Variants in PIAS2 observed in about 807,000 individuals in gnomAD.
PIAS2 encodes the protein protein inhibitor of activated STAT 2, also known as E3 SUMO-protein ligase PIAS2.
PIAS2 carries 19 observed loss-of-function variants against 69.7 expected under a neutral mutation model. The ratio of observed to expected loss-of-function variants is 0.27; its 90% CI spans 0.19 to 0.40. The LOEUF is 0.40. PIAS2 is among the 10% of genes least tolerant of loss of function. The pLI, the probability that PIAS2 is intolerant of heterozygous loss-of-function variation, is 1.00. For synonymous variants in PIAS2, 261 were observed against 263.2 expected (o/e 0.99, Z 0.08); for missense variants, 624 against 757.0 (o/e 0.82, Z 2.06).
chr18:46,908,876 G>T (rs577701947), intron 1 of PIAS2, among the ~76,000 whole-genome samples: 1 of 152,260 alleles, frequency 6.6e-6, no homozygotes, highest in African/African-American at 2.4e-5. Context: ...AGGCATGGTG[G>T]CGGGTACCTG....
chr18:46,882,663 T>C (rs2052467674), intron 2 of PIAS2, among the ~76,000 whole-genome samples: 1 of 152,024 alleles, frequency 6.6e-6, no homozygotes, highest in Admixed American at 6.6e-5. Context: ...GAATAAACAG[T>C]GAAAGCCCAT....
intron 1 of PIAS2, among the ~76,000 whole-genome samples, chr18:46,895,059 G>A (rs2054632988): frequency 6.7e-6 from 1 of 149,618 alleles, no homozygotes; most frequent in Non-Finnish European, 1.5e-5. Context: ...GGCAACGAGA[G>A]GGAAACTCCA....
intron 8 of PIAS2, among the ~76,000 whole-genome samples, chr18:46,840,496 T>C (rs376363807): frequency 6.6e-6 from 1 of 152,338 alleles, no homozygotes; most frequent in East Asian, 1.9e-4. Context: ...AACTGCTGTT[T>C]AGGGATTGTT....
At chr18:46,869,584 C>T (rs917760406) in intron 2 of PIAS2, among the ~76,000 whole-genome samples, 5 of 152,146 alleles carry the variant, frequency 3.3e-5, no homozygotes, top group East Asian at 1.9e-4. Flanking sequence ...AAACACCCCA[C>T]GTAAGACAGG....
intron 5 of PIAS2, among the ~76,000 whole-genome samples, chr18:46,848,790 A>T (rs1340859215): frequency 1.6e-4 from 23 of 142,636 alleles, no homozygotes; most frequent in East Asian, 4.2e-4. Context: ...TGTGTGTGTG[A>T]GAGAGAGAGA....
intron 12 of PIAS2, chr18:46,817,391 A>C: frequency 1.0e-6 from 1 of 964,524 alleles, no homozygotes; most frequent in Non-Finnish European, 1.2e-6. Flanking sequence ...AAATTATATC[A>C]AGCCTATTTA....
At chr18:46,861,004 G>T (rs924373877) in intron 3 of PIAS2, among the ~76,000 whole-genome samples, 1 of 151,570 alleles carries the variant, frequency 6.6e-6, no homozygotes, top group Non-Finnish European at 1.5e-5. Flanking sequence ...AAAAGGCCGG[G>T]TGTGGTGGCT....
Position 46,812,301 on chromosome 18 carries a change from G to T in PIAS2, c.*132C>A. 6.8e-6 allele frequency: 4 copies of T among 586,680 alleles called. No individual in the cohort carries two copies. The highest frequency in any genetic ancestry group is 1.2e-5 in the Non-Finnish European group (4 of 339,642). 36.3% of individuals were successfully genotyped at this position (586,680 alleles called of 1,614,324 possible). On this transcript the variant is annotated 3_prime_UTR_variant, in exon 14 of 14. Coordinates refer to ENST00000585916, the MANE Select transcript of PIAS2 (RefSeq NM_004671.5). ...GTCTTCTGTGTTCACCCCTCAGAAA[G>T]CAAAAGAATCCATCTGACTTTCAAT... is the stretch of plus-strand genomic sequence containing the variant.
At chr18:46,838,006 G>C (rs925804970) in intron 8 of PIAS2, among the ~76,000 whole-genome samples, 1 of 152,178 alleles carries the variant, frequency 6.6e-6, no homozygotes, top group Non-Finnish European at 1.5e-5. Flanking sequence ...AACAGGAAAC[G>C]AAGAAGACGG....
chr18:46,807,933 A>C lies in PIAS2; in HGVS notation c.*4500T>G, dbSNP rs182481844. The C allele has an allele frequency of 5.5e-3, 833 of 152,334 alleles. 8 individuals are homozygous for C. The highest frequency in any genetic ancestry group is 0.019 in the African/African-American group (791 of 41,578). The allele number at this position is 152,334 out of a possible 1,614,324, so 9.4% of individuals were successfully genotyped here. On this transcript the variant is annotated 3_prime_UTR_variant, in exon 14 of 14. Transcript: ENST00000585916. ...AAAAGTGGTATGAATCAAGAACTAC[A>C]AAAGTGTTCATATACCCTTGACTAG...
intron 9 of PIAS2, among the ~76,000 whole-genome samples, chr18:46,834,592 G>A (rs1178822129): frequency 6.6e-6 from 1 of 152,124 alleles, no homozygotes; most frequent in African/African-American, 2.4e-5. Context: ...GAAATTAGTA[G>A]ACATTTTTAT....
chr18:46,882,097 G>A (rs757559163), intron 2 of PIAS2, among the ~76,000 whole-genome samples: 5 of 151,974 alleles, frequency 3.3e-5, no homozygotes, highest in South Asian at 2.1e-4. Flanking sequence ...ACTTTGTCTC[G>A]GTGGCGGTGG....
chr18:46,842,701 T>C (rs1161326597), intron 8 of PIAS2, among the ~76,000 whole-genome samples: 1 of 152,164 alleles, frequency 6.6e-6, no homozygotes, highest in Non-Finnish European at 1.5e-5. Flanking sequence ...CTGAAGATAC[T>C]GAAAAGAACT....
chr18:46,895,329 T>C (rs2054677618), intron 1 of PIAS2, among the ~76,000 whole-genome samples: 1 of 152,136 alleles, frequency 6.6e-6, no homozygotes, highest in South Asian at 2.1e-4. Context: ...TGAGGGCAAC[T>C]GACAAACTGC....
intron 1 of PIAS2, among the ~76,000 whole-genome samples, chr18:46,897,387 G>A (rs1201665411): frequency 1.3e-5 from 2 of 152,030 alleles, no homozygotes; most frequent in Non-Finnish European, 2.9e-5. Flanking sequence ...TTGTCAGAAG[G>A]GCAAAGAAAA....
intron 1 of PIAS2, among the ~76,000 whole-genome samples, chr18:46,906,647 A>G (rs896939226): frequency 2.6e-5 from 4 of 152,244 alleles, no homozygotes; most frequent in African/African-American, 9.6e-5. Flanking sequence ...TAAAAAACCT[A>G]AAAGAAATGG....
At chr18:46,848,766 AGT>A (rs554067671) in intron 5 of PIAS2, among the ~76,000 whole-genome samples, 64 of 146,256 alleles carry the variant, frequency 4.4e-4, no homozygotes, top group South Asian at 4.6e-4. Context: ...AGAGAGAGAC[AGT>A]GTGTGTGTGT....
chr18:46,859,313 A>G (rs993806395), intron 3 of PIAS2, among the ~76,000 whole-genome samples: 7 of 151,500 alleles, frequency 4.6e-5, no homozygotes, highest in Admixed American at 3.3e-4. Flanking sequence ...CTGTAGTCCC[A>G]GCTACTCAGG....
intron 12 of PIAS2, chr18:46,817,304 C>T: frequency 1.0e-6 from 1 of 984,376 alleles, no homozygotes; most frequent in Non-Finnish European, 1.2e-6. Context: ...CTCAAAAATG[C>T]TCATTTTCTA....
Sources: gnomAD v4.1 joint callset for allele counts (sites outside exome capture counted in the v4.1 genomes callset) on GRCh38, gnomAD v4.1.1 for gene constraint, MANE v1.5 for transcripts, NCBI Gene and HGNC (gene_info 2026-07-23, HGNC 2026-07-21) for gene names.